Variants in AKT3 observed in about 807,000 individuals in gnomAD.
The protein encoded by AKT3 is AKT serine/threonine kinase 3.
A neutral mutation model predicts 65.3 loss-of-function variants in AKT3; 15 were observed. The ratio of observed to expected loss-of-function variants is 0.23; its 90% CI spans 0.15 to 0.35. The LOEUF is 0.35. Ranked by LOEUF, AKT3 falls within the 10% of genes least tolerant of loss-of-function variation. The probability of loss-of-function intolerance (pLI) is 1.00; values close to 1 mark genes in which losing one functional copy is unlikely to be tolerated. For missense variants in AKT3, 243 were observed against 576.5 expected (o/e 0.42, Z 5.92); for synonymous variants, 206 against 183.8 (o/e 1.12, Z -0.98).
chr1:243,730,284 C>G (rs888990424), intron 2 of AKT3, among the ~76,000 whole-genome samples: 4 of 152,190 alleles, frequency 2.6e-5, no homozygotes, highest in African/African-American at 9.7e-5. Flanking sequence ...TAGGAGCTGC[C>G]CGCTTTGGGT....
At chr1:243,652,649 C>A (rs1324212543) in intron 4 of AKT3, among the ~76,000 whole-genome samples, 3 of 150,550 alleles carry the variant, frequency 2.0e-5, no homozygotes, top group Admixed American at 1.3e-4. Context: ...CACAGACTGG[C>A]AAATTGGATA....
chr1:243,791,364 G>A (rs1572354900), intron 2 of AKT3, among the ~76,000 whole-genome samples: 1 of 151,974 alleles, frequency 6.6e-6, no homozygotes, highest in East Asian at 1.9e-4. Context: ...GGTATGAGAG[G>A]CGAACTGCAT....
chr1:243,741,934 T>C (rs1195147606), intron 2 of AKT3: 1 of 152,002 alleles, frequency 6.6e-6, no homozygotes, highest in Non-Finnish European at 1.5e-5. Context: ...GTAATCTGTG[T>C]ATTAACAGTA....
In AKT3 at chr1:243,642,367, T is replaced by G. The variant is rs572822899; in HGVS notation, c.429+3526A>C. Among the ~76,000 whole-genome samples the G allele has an allele frequency of 1.1e-3, 174 of 152,360 alleles. 1 individual carries two copies. Among genetic ancestry groups the G allele is most frequent in the Non-Finnish European group, 6.2e-4 (42 of 68,038 alleles). On this transcript the variant is annotated intron_variant, in intron 5 of 13. Transcript: ENST00000673466. ...CTCTGTCGCCCAGGCTAGAGTGCAGTGGCACGATCTCGGCTCACTGCAAGC... is the reference window on the plus strand; with the variant it reads ...CTCTGTCGCCCAGGCTAGAGTGCAGGGGCACGATCTCGGCTCACTGCAAGC...
chr1:243,694,573 A>T (rs1311661143), intron 3 of AKT3, among the ~76,000 whole-genome samples: 3 of 151,922 alleles, frequency 2.0e-5, no homozygotes, highest in Admixed American at 1.3e-4. Flanking sequence ...TGACTTCACA[A>T]ATCTTTTAAC....
rs1342832437 is a variant in AKT3, at chr1:243,597,219, CTTAAG to C, written c.696+16447_696+16451del. Reference sequence around the variant, plus strand: ...TTCATTTCATTATATGTAAATTATACTTAAGTTGACTAAAAAATGAAAACAACCTA... The same window carrying C: ...TTCATTTCATTATATGTAAATTATACTTGACTAAAAAATGAAAACAACCTA... On this transcript the variant is annotated intron_variant, in intron 8 of 13. Transcript: ENST00000673466. Among the ~76,000 whole-genome samples, 5 of 152,230 alleles carry C rather than the reference CTTAAG, an allele frequency of 3.3e-5. No individual in the cohort carries two copies. The East Asian group carries it at 7.7e-4, about 24-fold the overall frequency.
At chr1:243,831,250 A>C (rs557530356) in intron 2 of AKT3, among the ~76,000 whole-genome samples, 2 of 152,348 alleles carry the variant, frequency 1.3e-5, no homozygotes, top group South Asian at 4.1e-4. Flanking sequence ...AAGTTGTATT[A>C]GACACAGTGC....
chr1:243,623,324 G>C (rs1678907242), intron 6 of AKT3, among the ~76,000 whole-genome samples: 1 of 152,072 alleles, frequency 6.6e-6, no homozygotes, highest in African/African-American at 2.4e-5. Flanking sequence ...CTTCACTACT[G>C]GGAGAATTAA....
At chr1:243,579,381 T>C (rs906319801) in intron 8 of AKT3, among the ~76,000 whole-genome samples, 1 of 151,840 alleles carries the variant, frequency 6.6e-6, no homozygotes, top group Non-Finnish European at 1.5e-5. Context: ...CTACTATACA[T>C]AGGACAGAAA....
intron 2 of AKT3, chr1:243,703,052 C>A (rs893877290): frequency 6.6e-5 from 10 of 152,120 alleles, no homozygotes; most frequent in African/African-American, 2.2e-4. Context: ...TTACCTAAGA[C>A]AAAAACAGAT....
rs1203512432 is a variant in AKT3 at position 243,503,709 on chromosome 1, T to C, written c.*1540A>G. On this transcript the variant is annotated 3_prime_UTR_variant, in exon 14 of 14. Coordinates refer to ENST00000673466, the MANE Select transcript of AKT3 (RefSeq NM_005465.7). ...TATACAGAAAAAGAAAAGCTGGAGG[T>C]GTTCTCTTTTTTTGTTGTTTTTTCC... 5 of 231,734 alleles carry C rather than the reference T, an allele frequency of 2.2e-5. No individual in the cohort carries two copies. Among genetic ancestry groups the C allele is most frequent in the East Asian group, 6.1e-5 (1 of 16,322 alleles). 14.4% of individuals were successfully genotyped at this position (231,734 alleles called of 1,614,324 possible).
chr1:243,744,805 T>G (rs1688381910), intron 2 of AKT3, among the ~76,000 whole-genome samples: 1 of 152,048 alleles, frequency 6.6e-6, no homozygotes, highest in African/African-American at 2.4e-5. Context: ...GATCACATTT[T>G]ACACCACCAA....
At chr1:243,528,689 G>T (rs1421257226) in intron 12 of AKT3, among the ~76,000 whole-genome samples, 1 of 152,196 alleles carries the variant, frequency 6.6e-6, no homozygotes, top group African/African-American at 2.4e-5. Flanking sequence ...ATTCCATGGT[G>T]TATCTGTACT....
At chr1:243,607,137 T>C (rs1380865546) in intron 8 of AKT3, among the ~76,000 whole-genome samples, 1 of 152,220 alleles carries the variant, frequency 6.6e-6, no homozygotes, top group Non-Finnish European at 1.5e-5. Context: ...TGTGGTGTTG[T>C]AGCCCCCACA....
intron 3 of AKT3, among the ~76,000 whole-genome samples, chr1:243,670,617 A>G (rs1485568679): frequency 6.6e-6 from 1 of 152,222 alleles, no homozygotes; most frequent in African/African-American, 2.4e-5. Context: ...TAACCAAATG[A>G]TTATCTACGA....
intron 8 of AKT3, among the ~76,000 whole-genome samples, chr1:243,601,054 G>T (rs977939799): frequency 6.6e-6 from 1 of 152,040 alleles, no homozygotes; most frequent in Non-Finnish European, 1.5e-5. Context: ...AAATTGTACA[G>T]TCAAAATTGA....
At chr1:243,554,647 G>T (rs1163726818) in intron 10 of AKT3, among the ~76,000 whole-genome samples, 1 of 152,136 alleles carries the variant, frequency 6.6e-6, no homozygotes, top group Non-Finnish European at 1.5e-5. Context: ...CTGTTGGTGG[G>T]CCTTTATCTA....
intron 2 of AKT3, among the ~76,000 whole-genome samples, chr1:243,752,765 G>A (rs1572279674): frequency 6.6e-6 from 1 of 152,144 alleles, no homozygotes; most frequent in East Asian, 1.9e-4. Context: ...AGTTAACTCT[G>A]AGGATGCTGT....
intron 13 of AKT3, among the ~76,000 whole-genome samples, chr1:243,490,384 G>C (rs1255653372): frequency 6.6e-6 from 1 of 152,212 alleles, no homozygotes; most frequent in Non-Finnish European, 1.5e-5. Context: ...TAGGAGGCGA[G>C]GCCTCACCTG....
Sources: allele counts gnomAD v4.1 joint callset (sites outside exome capture counted in the v4.1 genomes callset), GRCh38; gene constraint gnomAD v4.1.1; transcripts MANE v1.5; gene names NCBI Gene and HGNC (gene_info 2026-07-23, HGNC 2026-07-21).